BPI: variants seen among roughly 807,000 people sequenced by gnomAD.
The protein encoded by BPI is bactericidal permeability increasing protein.
In BPI, 48 loss-of-function variants were observed where a neutral mutation model predicts 57.6. The ratio of observed to expected loss-of-function variants is 0.83; its 90% CI spans 0.66 to 1.06. The LOEUF (loss-of-function observed/expected upper bound fraction) is 1.06, where lower values mean the gene tolerates loss of function less well. Ranked by LOEUF, BPI falls within the 50% of genes least tolerant of loss-of-function variation. BPI has a pLI of 0.00. For synonymous variants in BPI, 237 were observed against 238.2 expected, an observed-to-expected ratio of 0.99 and a Z score of 0.05; for missense variants, 651 against 609.7, an observed-to-expected ratio of 1.07 and a Z score of -0.71.
At chr20:38,309,903 T>G (rs568065815) in intron 3 of BPI, among the ~76,000 whole-genome samples, 1 of 152,220 alleles carries the variant, frequency 6.6e-6, no homozygotes, top group Admixed American at 6.5e-5. Flanking sequence ...CTGCCCGCCC[T>G]TACAAGAACT....
At chr20:38,316,769 T>G (rs2076654205) in intron 5 of BPI, among the ~76,000 whole-genome samples, 1 of 152,116 alleles carries the variant, frequency 6.6e-6, no homozygotes, top group Non-Finnish European at 1.5e-5. Context: ...CTTCTTTCAT[T>G]GAAGGCTGTT....
At chr20:38,329,427 G>A (rs1196311178) in intron 11 of BPI, among the ~76,000 whole-genome samples, 1 of 152,172 alleles carries the variant, frequency 6.6e-6, no homozygotes, top group Non-Finnish European at 1.5e-5. Flanking sequence ...CATTTCTCCT[G>A]GCATCATGTT....
chr20:38,337,488 T>C lies in BPI; in HGVS notation c.*304T>C. The stretch of plus-strand genomic sequence containing the variant: ...TTTGTGCTTCATGAAAAAAAACTTC[T>C]GGTTTTTTTCATGTGGATTCTGTGT... On this transcript the variant is annotated 3_prime_UTR_variant, in exon 15 of 15. Coordinates refer to ENST00000642449, the MANE Select transcript of BPI (RefSeq NM_001725.3). The C allele has an allele frequency of 3.2e-6, 1 of 312,192 alleles. No homozygotes were observed. Among genetic ancestry groups the C allele is most frequent in the Non-Finnish European group, 5.8e-6 (1 of 173,538 alleles). 19.3% of individuals were successfully genotyped at this position (312,192 alleles called of 1,614,324 possible). A position where few individuals can be genotyped will look rare whatever the true frequency, so the allele number is the denominator to read the frequency against.
At chr20:38,307,903 C>T (rs888580981) in intron 2 of BPI, among the ~76,000 whole-genome samples, 5 of 152,176 alleles carry the variant, frequency 3.3e-5, no homozygotes, top group African/African-American at 1.2e-4. Context: ...CCAAACTCTG[C>T]GCCATATGTC....
intron 5 of BPI, among the ~76,000 whole-genome samples, chr20:38,316,069 A>G (rs184934305): frequency 1.6e-4 from 24 of 151,968 alleles, no homozygotes; most frequent in African/African-American, 5.6e-4. Context: ...CCTGACCTCA[A>G]GTGATCCACC....
intron 1 of BPI, among the ~76,000 whole-genome samples, chr20:38,305,668 G>T (rs1232816614): frequency 1.3e-5 from 2 of 152,096 alleles, no homozygotes; most frequent in African/African-American, 4.8e-5. Flanking sequence ...GAAGGCCTGG[G>T]TTCAAATTCT....
intron 1 of BPI, among the ~76,000 whole-genome samples, chr20:38,304,913 TAC>T (rs924338506): frequency 5.3e-5 from 8 of 152,170 alleles, no homozygotes; most frequent in African/African-American, 1.9e-4. Context: ...CTAGGAACTT[TAC>T]ACACACAGTC....
In BPI at chr20:38,310,613, T is replaced by A. The variant is rs546137094; in HGVS notation, c.497T>A (p.Ile166Asn). The A allele has an allele frequency of 1.1e-4, 181 of 1,614,080 alleles. 4 individuals are homozygous for A. The South Asian group carries it at 1.9e-3, about 17-fold the overall frequency. Residue 166 changes from isoleucine to asparagine, a missense_variant, in exon 4 of 15, where the codon ATC becomes AAC. Transcript: ENST00000642449. ...ACCTGCTCCAGCTGCAGCAGCCACATCAACAGTGTCCACGTGCACATCTCA... is the reference window on the plus strand; with the variant it reads ...ACCTGCTCCAGCTGCAGCAGCCACAACAACAGTGTCCACGTGCACATCTCA... ...TITCSSCSSH[I>N]NSVHVHISKS...
At chr20:38,335,368 G>T in intron 13 of BPI, 1 of 579,812 alleles carries the variant, frequency 1.7e-6, no homozygotes, top group South Asian at 2.0e-5. Context: ...GCCATCATGG[G>T]GATGGAGTCC....
rs78817939 is a variant in BPI, at chr20:38,335,206, G to A, written c.1337-392G>A. 5.5e-3 allele frequency among the ~76,000 whole-genome samples: 832 copies of A among 152,256 alleles called. 9 individuals carry two copies. Among genetic ancestry groups the A allele is most frequent in the African/African-American group, 0.019 (797 of 41,548 alleles). On this transcript the variant is annotated intron_variant, in intron 13 of 14. Coordinates refer to ENST00000642449, the MANE Select transcript of BPI (RefSeq NM_001725.3). ...GGCAGTATGTGGGGGGCTTGCCCTG[G>A]CCACTGTCCACCTCTGGCTTTATCC...
At chr20:38,317,068 C>A (rs1460802562) in intron 5 of BPI, among the ~76,000 whole-genome samples, 1 of 152,122 alleles carries the variant, frequency 6.6e-6, no homozygotes, top group Non-Finnish European at 1.5e-5. Context: ...GAATGGGCAA[C>A]CACACCAGGA....
rs1214942640 is a variant in BPI at position 38,320,265 on chromosome 20, A to C, written c.747A>C (p.Val249=). The C allele has an allele frequency of 6.2e-7, 1 of 1,613,760 alleles. No individual in the cohort carries two copies. The highest frequency in any genetic ancestry group is 2.2e-5 in the East Asian group (1 of 44,870). The stretch of plus-strand genomic sequence containing the variant: ...CAACCACGGCTGAGACCCTGGATGT[A>C]CAGATGAAGGTGAGGCTGACACTGA... ...PPATTAETLD[V]QMKGEFYSEN... The change falls in exon 7 of 15, where the codon GTA becomes GTC. Residue 249 remains valine (V), a synonymous_variant. Transcript: ENST00000642449.
At chr20:38,325,861 G>A (rs1011437349) in intron 9 of BPI, among the ~76,000 whole-genome samples, 5 of 152,100 alleles carry the variant, frequency 3.3e-5, no homozygotes, top group Non-Finnish European at 7.3e-5. Flanking sequence ...AGGGGAAGAA[G>A]GTCACAAAGG....
rs146652770 is a variant in BPI, at chr20:38,331,384, G to A, written c.1272+294G>A. 4.9e-3 allele frequency among the ~76,000 whole-genome samples: 746 copies of A among 152,272 alleles called. 5 individuals carry two copies. The Middle Eastern group carries it at 0.051, about 10-fold the overall frequency. On this transcript the variant is annotated intron_variant, in intron 12 of 14. Transcript: ENST00000642449. ...AATGGGATTAAACATGCACAATCTG[G>A]TAGAGAAAATCTGCTCAACAAATGT...
At chr20:38,332,556 G>A (rs568341535) in intron 12 of BPI, among the ~76,000 whole-genome samples, 20 of 152,280 alleles carry the variant, frequency 1.3e-4, no homozygotes, top group African/African-American at 4.6e-4. Flanking sequence ...TGTGGTCAAT[G>A]TCTGGCAGAT....
intron 1 of BPI, 93 bp downstream of exon 1, chr20:38,304,446 C>CA: frequency 6.7e-7 from 1 of 1,495,032 alleles, no homozygotes; most frequent in South Asian, 1.2e-5. Context: ...GCACCTGGCA[C>CA]ACTCATAGCA....
intron 3 of BPI, among the ~76,000 whole-genome samples, 192 bp from the exon 4 acceptor site, chr20:38,310,299 G>A (rs541809452): frequency 6.6e-5 from 10 of 152,154 alleles, no homozygotes; most frequent in African/African-American, 2.4e-4. Context: ...CATGAGTTCC[G>A]AATTCAGGTT....
chr20:38,317,588 T>G, intron 5 of BPI: 1 of 711,624 alleles, frequency 1.4e-6, no homozygotes, highest in Non-Finnish European at 2.6e-6. Flanking sequence ...ACCTCACCTC[T>G]GAAGTTACAC....
At chr20:38,317,754 C>T (rs1172327099) in intron 5 of BPI, 26 of 1,266,072 alleles carry the variant, frequency 2.1e-5, no homozygotes, top group Non-Finnish European at 2.8e-5. Flanking sequence ...TGCCATGTTC[C>T]GTTTTACAGA....
Sources: allele counts gnomAD v4.1 joint callset (sites outside exome capture counted in the v4.1 genomes callset), GRCh38; gene constraint gnomAD v4.1.1; transcripts MANE v1.5; gene names NCBI Gene and HGNC (gene_info 2026-07-23, HGNC 2026-07-21).